TFEC: variants seen among roughly 807,000 people sequenced by gnomAD.
TFEC encodes class E basic helix-loop-helix protein 34.
TFEC carries 31 observed loss-of-function variants against 41.6 expected under a neutral mutation model. That is an observed-to-expected ratio of 0.74 (90% confidence interval 0.56 to 1.01). The LOEUF (loss-of-function observed/expected upper bound fraction) is 1.01. Among genes scored for constraint, TFEC ranks in the 50% least tolerant of loss-of-function variants. TFEC has a pLI of 0.00. For missense variants in TFEC, 402 were observed against 404.1 expected (o/e 0.99, Z 0.04); for synonymous variants, 143 against 140.6 (o/e 1.02, Z -0.12).
At chr7:116,154,439 A>G (rs567591946) in intron 1 of TFEC, among the ~76,000 whole-genome samples, 1 of 152,240 alleles carries the variant, frequency 6.6e-6, no homozygotes, top group East Asian at 1.9e-4. Context: ...CAAGAGTTTC[A>G]TAATTCTTGA....
chr7:115,972,149 C>T (rs1793161856), intron 3 of TFEC, among the ~76,000 whole-genome samples: 2 of 151,864 alleles, frequency 1.3e-5, no homozygotes, highest in African/African-American at 4.8e-5. Context: ...ACTTTTCTGC[C>T]TTCATGTCTA....
At chr7:116,026,333 T>C (rs1462602059) in intron 1 of TFEC, among the ~76,000 whole-genome samples, 1 of 152,224 alleles carries the variant, frequency 6.6e-6, no homozygotes, top group Non-Finnish European at 1.5e-5. Flanking sequence ...ACCCATCTTC[T>C]CTTTGAACCC....
At chr7:116,036,173 C>T (rs918556378) in intron 3 of TFEC, among the ~76,000 whole-genome samples, 1 of 151,902 alleles carries the variant, frequency 6.6e-6, no homozygotes, top group Non-Finnish European at 1.5e-5. Context: ...GGAATTGGAC[C>T]ATAACATTTT....
intron 1 of TFEC, among the ~76,000 whole-genome samples, chr7:116,155,259 T>C (rs1376753910): frequency 6.6e-6 from 1 of 152,206 alleles, no homozygotes; most frequent in Admixed American, 6.5e-5. Flanking sequence ...AAAGAACTAA[T>C]ATTTAAACCA....
chr7:116,015,349 G>C (rs1328041534), intron 1 of TFEC, among the ~76,000 whole-genome samples: 1 of 151,918 alleles, frequency 6.6e-6, no homozygotes, highest in Non-Finnish European at 1.5e-5. Flanking sequence ...AAGTTATAAA[G>C]GAAAAAAGTT....
At chr7:115,959,756 G>A (rs368301191) in intron 3 of TFEC, among the ~76,000 whole-genome samples, 3 of 151,270 alleles carry the variant, frequency 2.0e-5, no homozygotes, top group Non-Finnish European at 4.4e-5. Context: ...AGGAATAAAC[G>A]AATTGGTAAA....
chr7:116,061,995 ATT>A (rs778030955), intron 3 of TFEC, among the ~76,000 whole-genome samples: 4 of 145,276 alleles, frequency 2.8e-5, no homozygotes, highest in African/African-American at 2.5e-5. Flanking sequence ...GCTGGTAGGA[ATT>A]TTTTTTTTTT....
At chr7:116,020,562 T>C (rs1334733571) in intron 1 of TFEC, among the ~76,000 whole-genome samples, 1 of 152,274 alleles carries the variant, frequency 6.6e-6, no homozygotes, top group South Asian at 2.1e-4. Context: ...CTAAAAACAA[T>C]CATAATATAA....
At chr7:116,075,423 G>C (rs1464730353) in intron 3 of TFEC, among the ~76,000 whole-genome samples, 1 of 152,110 alleles carries the variant, frequency 6.6e-6, no homozygotes, top group Non-Finnish European at 1.5e-5. Context: ...GGCTCACTGA[G>C]ACAGCAAAAA....
At chr7:116,072,756 T>C (rs1178792284) in intron 3 of TFEC, among the ~76,000 whole-genome samples, 1 of 151,508 alleles carries the variant, frequency 6.6e-6, no homozygotes, top group African/African-American at 2.4e-5. Flanking sequence ...TCTGACAAAA[T>C]ATAGCACACT....
At chr7:116,105,040 T>C (rs1797684989) in intron 3 of TFEC, among the ~76,000 whole-genome samples, 1 of 152,220 alleles carries the variant, frequency 6.6e-6, no homozygotes, top group Non-Finnish European at 1.5e-5. Context: ...TGGTATTTTT[T>C]ATATTTTGAA....
chr7:116,150,748 T>A (rs575874993), intron 1 of TFEC, among the ~76,000 whole-genome samples: 1 of 152,252 alleles, frequency 6.6e-6, no homozygotes, highest in East Asian at 1.9e-4. Flanking sequence ...AAACTAACAC[T>A]TAAAAATTCA....
chr7:115,955,650 G>A (rs927779988), intron 4 of TFEC, among the ~76,000 whole-genome samples: 2 of 151,958 alleles, frequency 1.3e-5, no homozygotes, highest in Non-Finnish European at 2.9e-5. Flanking sequence ...GACTGAATGA[G>A]ATTATAAATG....
chr7:115,950,015 C>T (rs1377352347), intron 6 of TFEC, among the ~76,000 whole-genome samples: 2 of 141,920 alleles, frequency 1.4e-5, no homozygotes, highest in South Asian at 2.2e-4. Context: ...CATGTTTTCA[C>T]TTTTTTTTTT....
intron 3 of TFEC, among the ~76,000 whole-genome samples, chr7:116,100,759 G>T: frequency 6.6e-6 from 1 of 152,034 alleles, no homozygotes; most frequent in East Asian, 1.9e-4. Flanking sequence ...GTCACTTACA[G>T]TATTATGTGG....
At chr7:115,961,194 T>A (rs945472576) in intron 3 of TFEC, among the ~76,000 whole-genome samples, 9 of 151,686 alleles carry the variant, frequency 5.9e-5, no homozygotes, top group African/African-American at 1.7e-4. Context: ...AAATAGTGAA[T>A]ACAGTTTTCT....
At chr7:115,955,828 AT>A (rs1792194804) in intron 4 of TFEC, among the ~76,000 whole-genome samples, 1 of 152,020 alleles carries the variant, frequency 6.6e-6, no homozygotes, top group Admixed American at 6.6e-5. Context: ...ATAGTCATTA[AT>A]TTTAGTCTGA....
chr7:116,102,882 C>T (rs1305849394), intron 3 of TFEC, among the ~76,000 whole-genome samples: 1 of 152,162 alleles, frequency 6.6e-6, no homozygotes, highest in Non-Finnish European at 1.5e-5. Flanking sequence ...TTAGCATTTA[C>T]ATTTATCGAA....
chr7:116,033,984 A>T (rs1257278372), upstream of TFEC, among the ~76,000 whole-genome samples: 2 of 152,132 alleles, frequency 1.3e-5, no homozygotes, highest in African/African-American at 4.8e-5. Flanking sequence ...CCTTGTCAGG[A>T]CTAGCAATGA....
Sources: gnomAD v4.1 joint callset for allele counts (sites outside exome capture counted in the v4.1 genomes callset) on GRCh38, gnomAD v4.1.1 for gene constraint, MANE v1.5 for transcripts, NCBI Gene and HGNC (gene_info 2026-07-23, HGNC 2026-07-21) for gene names.